The following DAGLA variants were observed in gnomAD, a reference collection of about 807,000 sequenced individuals.
DAGLA encodes diacylglycerol lipase-alpha.
Under a neutral mutation model 102.6 loss-of-function variants are expected in DAGLA, and 22 were observed. The ratio of observed to expected loss-of-function variants is 0.21; its 90% CI spans 0.15 to 0.31. DAGLA has a LOEUF of 0.31. Among genes scored for constraint, DAGLA ranks in the 10% least tolerant of loss-of-function variants. The pLI is 1.00. For synonymous variants in DAGLA, 578 were observed against 628.9 expected, an observed-to-expected ratio of 0.92 and a Z score of 1.21; for missense variants, 927 against 1,446.6, an observed-to-expected ratio of 0.64 and a Z score of 5.83.
chr11:61,744,488 A>G lies in DAGLA; in HGVS notation c.3128A>G (p.Ter1043TrpextTer29), dbSNP rs2065519251. ...GATGAGCTGGTCATCTCAGCACGCT[A>G]GCACCCCAGTTGCGTGGCCAGCCGG... Reference protein sequence around the residue: ...KQDELVISAR* With the variant: ...KQDELVISARW Residue 1043 changes from the stop codon to tryptophan (W), a stop_lost, in exon 20 of 20, where the codon TAG (stop) becomes TGG (tryptophan). Coordinates refer to ENST00000257215, the MANE Select transcript of DAGLA (RefSeq NM_006133.3). 6.4e-7 allele frequency: 1 copy of G among 1,553,892 alleles called. No homozygotes were observed. The highest frequency in any genetic ancestry group is 8.7e-7 in the Non-Finnish European group (1 of 1,146,982).
At chr11:61,692,383 T>C (rs2065031166) in intron 1 of DAGLA, among the ~76,000 whole-genome samples, 1 of 151,454 alleles carries the variant, frequency 6.6e-6, no homozygotes, top group South Asian at 2.1e-4. Context: ...TGTAGATTGG[T>C]TAACTCCAGC....
At position 61,740,388 on chromosome 11, in the gene DAGLA, G is replaced by A. The variant is rs1407317460; in HGVS notation, c.1854-75G>A. The A allele has an allele frequency of 1.3e-5, 21 of 1,561,460 alleles. No individual in the cohort carries two copies. In the East Asian group the frequency reaches 4.7e-4, roughly 35 times the overall value. On this transcript the variant is annotated intron_variant, in intron 17 of 19. Coordinates refer to ENST00000257215, the MANE Select transcript of DAGLA (RefSeq NM_006133.3). ...GCTCTGCTGAGCAGGGCAGAGAACA[G>A]AGCCAGGAGGCCCTGGCACCGAGGG...
rs865936605 is a variant in DAGLA at position 61,692,601 on chromosome 11, C to G, written c.-45+12097C>G. ...CCCACTCCCACCCTTTATGCATAAA[C>G]CTTTGCATCTGCCAGGGGGAGAAGG... On this transcript the variant is annotated intron_variant, in intron 1 of 19. Coordinates refer to ENST00000257215, the MANE Select transcript of DAGLA (RefSeq NM_006133.3). 2.0e-4 allele frequency among the ~76,000 whole-genome samples: 30 copies of G among 152,140 alleles called. No individual in the cohort carries two copies. The Middle Eastern group carries it at 0.01, about 52-fold the overall frequency.
intron 1 of DAGLA, among the ~76,000 whole-genome samples, chr11:61,681,080 CTACCCGGCACTGCCGCGGGGGGA>C (rs1341524102): frequency 6.6e-6 from 1 of 152,096 alleles, no homozygotes; most frequent in Admixed American, 6.5e-5. Context: ...GTGCGGGGGG[CTACCCGGCACTGCCGCGGGGGGA>C]GTCCGTGGCC....
chr11:61,731,416 C>T lies in DAGLA; in HGVS notation c.949C>T (p.Leu317Phe). 1 of 1,613,978 alleles carries T rather than the reference C, an allele frequency of 6.2e-7. No homozygotes were observed. The highest frequency in any genetic ancestry group is 8.5e-7 in the Non-Finnish European group (1 of 1,180,020). Reference sequence around the variant, plus strand: ...CCTGATGCGGAAGCCCGCCTGCGGCCTCTGCCAACTGGCTCGGTCCTGCTC... The same window carrying T: ...CCTGATGCGGAAGCCCGCCTGCGGCTTCTGCCAACTGGCTCGGTCCTGCTC... ...MYLMRKPACG[L>F]CQLARSCSCC... Residue 317 changes from leucine (L) to phenylalanine (F), a missense_variant, in exon 9 of 20, where the codon CTC (leucine) becomes TTC (phenylalanine). Coordinates refer to ENST00000257215, the MANE Select transcript of DAGLA (RefSeq NM_006133.3).
chr11:61,709,976 C>T (rs1022015584), intron 1 of DAGLA, among the ~76,000 whole-genome samples: 2 of 152,132 alleles, frequency 1.3e-5, no homozygotes, highest in Non-Finnish European at 2.9e-5. Context: ...CAACCCACAG[C>T]CTGAGGAGAG....
At chr11:61,690,788 C>T (rs568405090) in intron 1 of DAGLA, among the ~76,000 whole-genome samples, 14 of 152,136 alleles carry the variant, frequency 9.2e-5, no homozygotes, top group African/African-American at 2.2e-4. Flanking sequence ...GAGGAACAGC[C>T]GCCCACAAAA....
chr11:61,739,398 C>T lies in DAGLA; in HGVS notation c.1657-67C>T. The T allele has an allele frequency of 4.0e-6, 6 of 1,517,824 alleles. No individual in the cohort carries two copies. In the South Asian group the frequency reaches 7.2e-5, roughly 18 times the overall value. The allele number at this position is 1,517,824 out of a possible 1,614,324, so 94.0% of individuals were successfully genotyped here. On this transcript the variant is annotated intron_variant, in intron 16 of 19. Coordinates refer to ENST00000257215, the MANE Select transcript of DAGLA (RefSeq NM_006133.3). ...CTGCTGAGCCCCCCTTCTCGGTCCC[C>T]CTGCCCCTGCCCCCCAGCCAGTGCT...
chr11:61,728,330 A>G, intron 7 of DAGLA, 43 bp downstream of exon 7: 1 of 1,597,180 alleles, frequency 6.3e-7, no homozygotes, highest in Non-Finnish European at 8.5e-7. Flanking sequence ...TCTCCACACC[A>G]CCCTTCTTTC....
At chr11:61,692,271 A>G (rs2065030519) in intron 1 of DAGLA, among the ~76,000 whole-genome samples, 1 of 152,076 alleles carries the variant, frequency 6.6e-6, no homozygotes, top group Non-Finnish European at 1.5e-5. Context: ...CCTCCACATC[A>G]GAATCGCTGG....
chr11:61,731,571 A>C, intron 9 of DAGLA, 130 bp downstream of exon 9: 12 of 1,256,668 alleles, frequency 9.5e-6, no homozygotes, highest in Non-Finnish European at 1.3e-5. Flanking sequence ...CTGGGCCTCA[A>C]CCTTTCTAGT....
intron 8 of DAGLA, 38 bp downstream of exon 8, chr11:61,729,046 A>G: frequency 6.5e-7 from 1 of 1,528,262 alleles, no homozygotes; most frequent in South Asian, 1.1e-5. Flanking sequence ...CCCCGTCCCC[A>G]TCCCTCCCAC....
At chr11:61,731,275 G>A in intron 8 of DAGLA, 42 bp from the exon 9 acceptor site, 1 of 1,609,230 alleles carries the variant, frequency 6.2e-7, no homozygotes, top group South Asian at 1.1e-5. Flanking sequence ...GCTGTAGGCA[G>A]GAAGGGCAGG....
intron 8 of DAGLA, among the ~76,000 whole-genome samples, chr11:61,730,238 AC>A (rs1439234078): frequency 6.6e-6 from 1 of 151,460 alleles, no homozygotes; most frequent in Non-Finnish European, 1.5e-5. Context: ...TGTTCTCACC[AC>A]CTTCTCCCTC....
chr11:61,683,607 C>T (rs2064962600), intron 1 of DAGLA, among the ~76,000 whole-genome samples: 1 of 152,106 alleles, frequency 6.6e-6, no homozygotes, highest in African/African-American at 2.4e-5. Context: ...GTTTGGGGCT[C>T]CAGGAGCCCT....
rs578059392 is a variant in DAGLA, at chr11:61,734,880, G to T, written c.1006G>T (p.Ala336Ser). Reference sequence around the variant, plus strand: ...CCTGTGTCCTGCGAGGCCGCGGTTCGCCCCTGGAGTCACCATCGAGGAAGA... The same window carrying T: ...CCTGTGTCCTGCGAGGCCGCGGTTCTCCCCTGGAGTCACCATCGAGGAAGA... The part of the protein sequence containing the change: ...CCLCPARPRF[A>S]PGVTIEEDNC... The change falls in exon 10 of 20, where the codon GCC becomes TCC. Residue 336 changes from alanine to serine, a missense_variant. Coordinates refer to ENST00000257215, the MANE Select transcript of DAGLA (RefSeq NM_006133.3). This position sits in a 1 kb window ranked among gnomAD's most constrained non-coding sequence, Gnocchi z 4.2. The T allele has an allele frequency of 1.2e-6, 2 of 1,613,920 alleles. No homozygotes were observed.
In DAGLA at chr11:61,741,277, C is replaced by T. The variant is rs754253843; in HGVS notation, c.2099C>T (p.Pro700Leu). The change falls in exon 19 of 20, where the codon CCC becomes CTC. Residue 700 changes from proline to leucine, a missense_variant. Transcript: ENST00000257215. Reference protein sequence around the residue: ...PELIFQQQPLPTGPPMPTGLA... With the variant: ...PELIFQQQPLLTGPPMPTGLA... The stretch of plus-strand genomic sequence containing the variant: ...CTCATCTTCCAGCAGCAGCCACTCC[C>T]CACGGGGCCGCCCATGCCCACTGGC... The T allele has an allele frequency of 8.7e-6, 14 of 1,613,196 alleles. No individual in the cohort carries two copies. Among genetic ancestry groups the T allele is most frequent in the Non-Finnish European group, 1.2e-5 (14 of 1,180,020 alleles).
At chr11:61,737,156 G>T (rs1476503465) in intron 13 of DAGLA, 26 bp from the exon 14 acceptor site, 2 of 1,612,834 alleles carry the variant, frequency 1.2e-6, no homozygotes, top group Admixed American at 3.3e-5. Flanking sequence ...TTGGGGCAGG[G>T]CTCTCAGGCT....
intron 9 of DAGLA, among the ~76,000 whole-genome samples, chr11:61,732,380 A>G (rs1368014850): frequency 1.3e-5 from 2 of 151,970 alleles, no homozygotes; most frequent in African/African-American, 2.4e-5. Context: ...CCCCCTTCCC[A>G]TCTTTGTCAG....
Sources: gnomAD v4.1 joint callset for allele counts (sites outside exome capture counted in the v4.1 genomes callset) on GRCh38, gnomAD v4.1.1 for gene constraint, Gnocchi (gnomAD v3.1) non-coding constraint, MANE v1.5 for transcripts, NCBI Gene and HGNC (gene_info 2026-07-23, HGNC 2026-07-21) for gene names.